CACNA2D1: variants seen among roughly 807,000 people sequenced by gnomAD.
The protein encoded by CACNA2D1 is voltage-dependent calcium channel subunit alpha-2/delta-1.
Under a neutral mutation model 171.5 loss-of-function variants are expected in CACNA2D1, and 53 were observed. The ratio of observed to expected loss-of-function variants is 0.31; its 90% CI spans 0.25 to 0.39. The LOEUF (loss-of-function observed/expected upper bound fraction) is 0.39, where lower values mean the gene tolerates loss of function less well. Among genes scored for constraint, CACNA2D1 ranks in the 10% least tolerant of loss-of-function variants. The pLI is 1.00. For synonymous variants in CACNA2D1, 442 were observed against 443.1 expected, an observed-to-expected ratio of 1.00 and a Z score of 0.03; for missense variants, 903 against 1,299.8, an observed-to-expected ratio of 0.69 and a Z score of 4.69.
intron 3 of CACNA2D1, among the ~76,000 whole-genome samples, chr7:82,332,931 C>T (rs114643401): frequency 0.018 from 2,696 of 152,186 alleles, 81 homozygotes; most frequent in African/African-American, 0.062. Context: ...CCCAGCAGGT[C>T]GAGGCTGCAG....
At chr7:82,371,520 C>T (rs1020973358) in intron 1 of CACNA2D1, among the ~76,000 whole-genome samples, 2 of 152,124 alleles carry the variant, frequency 1.3e-5, no homozygotes, top group African/African-American at 4.8e-5. Context: ...GCTAAGAGTT[C>T]GAGCTTAAGG....
chr7:82,397,446 A>G (rs1219176421), intron 1 of CACNA2D1, among the ~76,000 whole-genome samples: 1 of 152,008 alleles, frequency 6.6e-6, no homozygotes, highest in African/African-American at 2.4e-5. Flanking sequence ...TATCTAACAT[A>G]TATTTGTGTT....
chr7:82,289,617 G>C (rs1284933571), intron 3 of CACNA2D1, among the ~76,000 whole-genome samples: 1 of 152,132 alleles, frequency 6.6e-6, no homozygotes, highest in African/African-American at 2.4e-5. Context: ...GGCATAGAGG[G>C]AAAAAACACC....
At chr7:82,436,116 C>T (rs1266679647) in intron 1 of CACNA2D1, among the ~76,000 whole-genome samples, 3 of 152,118 alleles carry the variant, frequency 2.0e-5, no homozygotes, top group Admixed American at 2.0e-4. Context: ...TAGCTCAGCG[C>T]AGTACGTAAT....
intron 3 of CACNA2D1, among the ~76,000 whole-genome samples, chr7:82,197,993 CA>C (rs1799023331): frequency 6.6e-6 from 1 of 151,358 alleles, no homozygotes; most frequent in Non-Finnish European, 1.5e-5. Flanking sequence ...TATTAAATGT[CA>C]GGATCTTTCC....
intron 10 of CACNA2D1, among the ~76,000 whole-genome samples, chr7:82,060,182 TA>T (rs1562981488): frequency 4.4e-4 from 6 of 13,658 alleles, no homozygotes; most frequent in African/African-American, 1.4e-3. Context: ...ATATATAATA[TA>T]TATATATTAT....
chr7:82,202,310 G>A (rs1297234277), intron 3 of CACNA2D1, among the ~76,000 whole-genome samples: 2 of 152,106 alleles, frequency 1.3e-5, no homozygotes, highest in Admixed American at 6.5e-5. Flanking sequence ...CCCACCACTC[G>A]TTCACCCACT....
intron 3 of CACNA2D1, among the ~76,000 whole-genome samples, chr7:82,261,211 T>C (rs1807050412): frequency 6.6e-6 from 1 of 152,192 alleles, no homozygotes; most frequent in South Asian, 2.1e-4. Flanking sequence ...CGCCTCGGCC[T>C]CCCACAGTGC....
chr7:81,960,027 T>C (rs1343452167), intron 36 of CACNA2D1, among the ~76,000 whole-genome samples, 198 bp from the exon 37 acceptor site: 2 of 152,072 alleles, frequency 1.3e-5, no homozygotes, highest in African/African-American at 2.4e-5. Flanking sequence ...CTATGTCAAA[T>C]GAATAAAAAA....
chr7:82,066,990 A>G (rs569113352), intron 7 of CACNA2D1, among the ~76,000 whole-genome samples: 1 of 152,200 alleles, frequency 6.6e-6, no homozygotes, highest in South Asian at 2.1e-4. Context: ...GTCCATGGTA[A>G]AATAACTAAA....
Position 82,007,692 on chromosome 7 carries a change from T to C in CACNA2D1, c.1427A>G (p.Lys476Arg). Residue 476 changes from lysine (K) to arginine (R), a missense_variant, in exon 16 of 39, where the codon AAG (lysine) becomes AGG (arginine). By Grantham distance (26) the Lys-to-Arg change is conservative. Coordinates refer to ENST00000356860, the MANE Select transcript of CACNA2D1 (RefSeq NM_000722.4). ...VFNITGQFEN[K>R]TNLKNQLILG... ...TTAACTTTTAACCTTTAAGTTTGTC[T>C]TATTTTCAAATTGGCCGGTTATGTT... is the stretch of plus-strand genomic sequence containing the variant. The C allele has an allele frequency of 1.3e-6, 2 of 1,571,550 alleles. No homozygotes were observed. Among genetic ancestry groups the C allele is most frequent in the Non-Finnish European group, 1.8e-6 (2 of 1,141,820 alleles).
chr7:82,145,680 A>C (rs2129096620), intron 4 of CACNA2D1, among the ~76,000 whole-genome samples: 1 of 147,554 alleles, frequency 6.8e-6, no homozygotes, highest in African/African-American at 2.5e-5. Context: ...ACATACATAC[A>C]CACACATTCT....
At chr7:82,135,719 C>A (rs1047527968) in intron 5 of CACNA2D1, among the ~76,000 whole-genome samples, 8 of 151,750 alleles carry the variant, frequency 5.3e-5, no homozygotes, top group Admixed American at 3.3e-4. Flanking sequence ...TTTTCATTTT[C>A]TTCTTTTAAA....
intron 3 of CACNA2D1, among the ~76,000 whole-genome samples, chr7:82,302,953 T>C (rs1185835552): frequency 1.3e-5 from 2 of 152,166 alleles, no homozygotes; most frequent in African/African-American, 4.8e-5. Context: ...TGATGATATG[T>C]TGGAGAAATG....
At chr7:82,379,083 G>GT (rs1261517774) in intron 1 of CACNA2D1, among the ~76,000 whole-genome samples, 2 of 151,976 alleles carry the variant, frequency 1.3e-5, no homozygotes, top group African/African-American at 2.4e-5. Flanking sequence ...GTTAAATTGT[G>GT]TTTTTTAAAC....
intron 6 of CACNA2D1, among the ~76,000 whole-genome samples, chr7:82,111,845 ATTTT>A (rs889934997): frequency 2.0e-5 from 3 of 152,162 alleles, no homozygotes; most frequent in African/African-American, 7.2e-5. Context: ...AATCCATATT[ATTTT>A]GTTATTGAAA....
At chr7:81,973,528 T>C (rs551588318) in intron 25 of CACNA2D1, among the ~76,000 whole-genome samples, 1 of 151,398 alleles carries the variant, frequency 6.6e-6, no homozygotes, top group African/African-American at 2.4e-5. Flanking sequence ...CCCTTCCTAA[T>C]AGAAAGATAA....
At chr7:82,213,772 T>G (rs1800807110) in intron 3 of CACNA2D1, among the ~76,000 whole-genome samples, 1 of 152,162 alleles carries the variant, frequency 6.6e-6, no homozygotes, top group African/African-American at 2.4e-5. Context: ...GTGTACAGAC[T>G]CAGGCTTTTT....
At chr7:82,289,260 T>A (rs1811224494) in intron 3 of CACNA2D1, among the ~76,000 whole-genome samples, 1 of 152,208 alleles carries the variant, frequency 6.6e-6, no homozygotes, top group African/African-American at 2.4e-5. Flanking sequence ...GTATCCAACA[T>A]ATACATAATT....
Sources: gnomAD v4.1 joint callset for allele counts (sites outside exome capture counted in the v4.1 genomes callset) on GRCh38, gnomAD v4.1.1 for gene constraint, MANE v1.5 for transcripts, NCBI Gene and HGNC (gene_info 2026-07-23, HGNC 2026-07-21) for gene names.